CACNB1: variants seen among roughly 807,000 people sequenced by gnomAD.
CACNB1 encodes the protein calcium voltage-gated channel auxiliary subunit beta 1, also known as voltage-dependent L-type calcium channel subunit beta-1.
A neutral mutation model predicts 71.6 loss-of-function variants in CACNB1; 29 were observed. That is an observed-to-expected ratio of 0.40 (90% CI 0.30 to 0.55). The LOEUF is 0.55. Among genes scored for constraint, CACNB1 ranks in the 20% least tolerant of loss-of-function variants. CACNB1 has a pLI of 0.38. For synonymous variants in CACNB1, 300 were observed against 319.6 expected, an observed-to-expected ratio of 0.94 and a Z score of 0.65; for missense variants, 623 against 801.8, an observed-to-expected ratio of 0.78 and a Z score of 2.69.
intron 1 of CACNB1, among the ~76,000 whole-genome samples, chr17:39,197,094 C>T (rs1371312773): frequency 6.6e-6 from 1 of 152,082 alleles, no homozygotes; most frequent in Admixed American, 6.5e-5. Context: ...TTCTCAAGGC[C>T]CAGATCCCCC....
In CACNB1 at chr17:39,186,190, G is replaced by T; in HGVS notation, c.628+306C>A. 8.7e-7 allele frequency: 1 copy of T among 1,146,082 alleles called. No homozygotes were observed. Among genetic ancestry groups the T allele is most frequent in the Non-Finnish European group, 1.3e-6 (1 of 773,910 alleles). 71.0% of individuals were successfully genotyped at this position (1,146,082 alleles called of 1,614,324 possible). ...GAACGTGGAGACACAAGTACAGAACGCAGGGATGGGGATGGGGAAAAAAGA... is the reference window on the plus strand; with the variant it reads ...GAACGTGGAGACACAAGTACAGAACTCAGGGATGGGGATGGGGAAAAAAGA... On this transcript the variant is annotated intron_variant, in intron 6 of 13. Transcript: ENST00000394303. The surrounding 1 kb of genome is among the most constrained non-coding windows in gnomAD (Gnocchi z 4.1).
At chr17:39,179,059 C>G (rs1567793266) in intron 11 of CACNB1, among the ~76,000 whole-genome samples, 1 of 151,766 alleles carries the variant, frequency 6.6e-6, no homozygotes, top group Non-Finnish European at 1.5e-5. Context: ...TTTGGGAGGC[C>G]AAGGCGGGCA....
At position 39,186,906 on chromosome 17, in the gene CACNB1, G is replaced by C; in HGVS notation, c.438C>G (p.Ile146Met). The change falls in exon 5 of 14, where the codon ATC becomes ATG. Residue 146 changes from isoleucine to methionine, a missense_variant. By Grantham distance (10) the Ile-to-Met change is conservative. Transcript: ENST00000394303. This position sits in a 1 kb window ranked among gnomAD's most constrained non-coding sequence, Gnocchi z 4.1. ...CACAGCCCTCCTTCACCAGCCGCCC[G>C]ATCCACCAGTCATTATTGTATTTCT... is the stretch of plus-strand genomic sequence containing the variant. ...IKEKYNNDWW[I>M]GRLVKEGCEV... 6.2e-7 allele frequency: 1 copy of C among 1,614,098 alleles called. No individual in the cohort carries two copies. Among genetic ancestry groups the C allele is most frequent in the Non-Finnish European group, 8.5e-7 (1 of 1,179,980 alleles).
chr17:39,175,310 G>A lies in CACNB1; in HGVS notation c.1680C>T (p.Thr560=). 3 of 1,614,132 alleles carry A rather than the reference G, an allele frequency of 1.9e-6. No homozygotes were observed. The highest frequency in any genetic ancestry group is 2.5e-6 in the Non-Finnish European group (3 of 1,180,018). ...DEEEDYEEEL[T]DNRNRGRNKA... The stretch of plus-strand genomic sequence containing the variant: ...TATTCCGGCCCCGGTTCCGGTTGTC[G>A]GTCAGCTCTTCCTCATAGTCTTCTT... Residue 560 remains threonine, a synonymous_variant, in exon 14 of 14, where the codon ACC becomes ACT. Coordinates refer to ENST00000394303, the MANE Select transcript of CACNB1 (RefSeq NM_000723.5). The surrounding 1 kb of genome is among the most constrained non-coding windows in gnomAD (Gnocchi z 4.7).
intron 6 of CACNB1, 42 bp from the exon 7 acceptor site, chr17:39,185,192 AGGGAAGGGG>A: frequency 6.4e-7 from 1 of 1,563,504 alleles, no homozygotes; most frequent in Non-Finnish European, 8.8e-7. Context: ...GGGAGGAGAG[AGGGAAGGGG>A]ACCCAGGCAG....
intron 6 of CACNB1, among the ~76,000 whole-genome samples, chr17:39,185,357 C>G (rs914307021): frequency 1.3e-5 from 2 of 152,048 alleles, no homozygotes; most frequent in African/African-American, 2.4e-5. Flanking sequence ...AGAGGTGGCC[C>G]TGGATCAGGG....
chr17:39,190,366 C>A (rs965240902), intron 3 of CACNB1, among the ~76,000 whole-genome samples: 3 of 152,158 alleles, frequency 2.0e-5, no homozygotes, highest in African/African-American at 7.2e-5. Flanking sequence ...CACGCCGCTA[C>A]ACTCAGCCTG....
intron 3 of CACNB1, 33 bp downstream of exon 3, chr17:39,191,441 T>C: frequency 1.9e-6 from 3 of 1,576,432 alleles, no homozygotes; most frequent in Non-Finnish European, 1.7e-6. Context: ...GGGGAAATCA[T>C]GCCAGCACAG....
intron 2 of CACNB1, chr17:39,193,445 T>C: frequency 4.4e-6 from 2 of 452,054 alleles, no homozygotes; most frequent in African/African-American, 4.0e-5. Context: ...CATCCCCAGC[T>C]CACCACCACC....
rs1280190412 is a variant in CACNB1 at position 39,175,625 on chromosome 17, C to T, written c.1365G>A (p.Leu455=). The T allele has an allele frequency of 6.3e-7, 1 of 1,579,782 alleles. No individual in the cohort carries two copies. The change falls in exon 14 of 14, where the codon CTG becomes CTA. Residue 455 remains leucine (L), a synonymous_variant. Coordinates refer to ENST00000394303, the MANE Select transcript of CACNB1 (RefSeq NM_000723.5). The surrounding 1 kb of genome is among the most constrained non-coding windows in gnomAD (Gnocchi z 4.7). The part of the protein sequence containing the change: ...GPYLASGDQP[L]ERATGEHASM... ...TGGCGTGCTCCCCGGTGGCCCGTTC[C>T]AGTGGCTGGTCCCCGGAAGCAAGGT...
intron 6 of CACNB1, chr17:39,185,841 G>T: frequency 8.2e-7 from 1 of 1,212,838 alleles, no homozygotes; most frequent in Non-Finnish European, 1.1e-6. Context: ...AAGCCCTGAT[G>T]CCCACAGAAC....
chr17:39,185,201 G>GCCACCCCCAACCCC, intron 6 of CACNB1, 51 bp from the exon 7 acceptor site: 1 of 1,445,614 alleles, frequency 6.9e-7, no homozygotes, highest in Non-Finnish European at 9.7e-7. Context: ...GAGGGAAGGG[G>GCCACCCCCAACCCC]ACCCAGGCAG....
rs373262153 is a variant in CACNB1 at position 39,194,416 on chromosome 17, T to C, written c.171+468A>G. ...TTTCTCTGTGCTTCTTAGACAGTCA[T>C]GTCTCGAGGTGAGGAGCGTGTTTCC... On this transcript the variant is annotated intron_variant, in intron 2 of 13. Coordinates refer to ENST00000394303, the MANE Select transcript of CACNB1 (RefSeq NM_000723.5). This position sits in a 1 kb window ranked among gnomAD's most constrained non-coding sequence, Gnocchi z 4.6. 6.6e-5 allele frequency among the ~76,000 whole-genome samples: 10 copies of C among 152,240 alleles called. No homozygotes were observed. The South Asian group carries it at 1.9e-3, about 28-fold the overall frequency.
At chr17:39,185,625 G>C (rs2045918180) in intron 6 of CACNB1, among the ~76,000 whole-genome samples, 1 of 150,526 alleles carries the variant, frequency 6.6e-6, no homozygotes, top group East Asian at 2.0e-4. Flanking sequence ...CCCATGTCCT[G>C]CTTCACATGC....
At chr17:39,177,959 C>T (rs541746766) in intron 12 of CACNB1, 25 bp downstream of exon 12, 1 of 1,566,670 alleles carries the variant, frequency 6.4e-7, no homozygotes, top group East Asian at 2.2e-5. Flanking sequence ...CCCTCCATTC[C>T]CTTCCCTGGG....
chr17:39,183,319 G>A (rs1357037402), intron 11 of CACNB1, among the ~76,000 whole-genome samples: 4 of 150,380 alleles, frequency 2.7e-5, no homozygotes, highest in South Asian at 2.1e-4. Flanking sequence ...GTGACAGAGC[G>A]AGATCCTGAC....
rs937011260 is a variant in CACNB1, at chr17:39,184,985, G to A, written c.649-121C>T. On this transcript the variant is annotated intron_variant, in intron 7 of 13. Transcript: ENST00000394303. ...CCTGGTCCCAGAGCCCAGATGTAGG[G>A]ATCAGGGTGGGGGTGGGGAGGGATG... 3.4e-5 allele frequency: 33 copies of A among 971,512 alleles called. 1 individual carries two copies. The South Asian group carries it at 4.1e-4, about 12-fold the overall frequency. The allele number at this position is 971,512 out of a possible 1,614,324, so 60.2% of individuals were successfully genotyped here.
At position 39,175,040 on chromosome 17, in the gene CACNB1, G is replaced by GT. The variant is rs1053173656; in HGVS notation, c.*152dup. On this transcript the variant is annotated 3_prime_UTR_variant, in exon 14 of 14. Transcript: ENST00000394303. The surrounding 1 kb of genome is among the most constrained non-coding windows in gnomAD (Gnocchi z 4.7). ...TAAGGGCCTCCCGGGAGCTGGGATG[G>GT]TAACACCAAAGAAACCCCAAGCTTT... 1.5e-5 allele frequency: 10 copies of GT among 681,838 alleles called. No homozygotes were observed. In the African/African-American group the frequency reaches 1.6e-4, roughly 11 times the overall value. 42.2% of individuals were successfully genotyped at this position (681,838 alleles called of 1,614,324 possible). A position where few individuals can be genotyped will look rare whatever the true frequency, so the allele number is the denominator to read the frequency against.
In CACNB1 at chr17:39,186,474, C is replaced by T. The variant is rs938014137; in HGVS notation, c.628+22G>A. Reference sequence around the variant, plus strand: ...CCACCCAGGAGCTTCTTCCCAAACCCCTGCATGGCGATGGCTCTTACCACT... The same window carrying T: ...CCACCCAGGAGCTTCTTCCCAAACCTCTGCATGGCGATGGCTCTTACCACT... On this transcript the variant is annotated intron_variant, in intron 6 of 13. Transcript: ENST00000394303. The surrounding 1 kb of genome is among the most constrained non-coding windows in gnomAD (Gnocchi z 4.1). 3 of 1,598,636 alleles carry T rather than the reference C, an allele frequency of 1.9e-6. No individual in the cohort carries two copies. The highest frequency in any genetic ancestry group is 2.6e-6 in the Non-Finnish European group (3 of 1,168,982).
Sources: gnomAD v4.1 joint callset for allele counts (sites outside exome capture counted in the v4.1 genomes callset) on GRCh38, gnomAD v4.1.1 for gene constraint, Gnocchi (gnomAD v3.1) non-coding constraint, MANE v1.5 for transcripts, NCBI Gene and HGNC (gene_info 2026-07-23, HGNC 2026-07-21) for gene names.